The following AGO2 variants were observed in gnomAD, a reference collection of about 807,000 sequenced individuals.
The protein encoded by AGO2 is argonaute RISC catalytic component 2, also known as protein argonaute-2.
AGO2 carries 5 observed loss-of-function variants against 102.3 expected under a neutral mutation model. That is an observed-to-expected ratio of 0.05 (90% CI 0.03 to 0.10). The LOEUF (loss-of-function observed/expected upper bound fraction) is 0.10, where lower values mean the gene tolerates loss of function less well. AGO2 is among the 10% of genes least tolerant of loss of function. The probability of loss-of-function intolerance (pLI) is 1.00; values close to 1 mark genes in which losing one functional copy is unlikely to be tolerated. For synonymous variants in AGO2, 449 were observed against 473.1 expected (o/e 0.95, Z 0.66); for missense variants, 541 against 1,183.7 (o/e 0.46, Z 7.97).
intron 2 of AGO2, among the ~76,000 whole-genome samples, chr8:140,581,019 C>T (rs1201195231): frequency 6.6e-6 from 1 of 152,242 alleles, no homozygotes; most frequent in African/African-American, 2.4e-5. Flanking sequence ...ATAACGAAGC[C>T]TTGGCCATGC....
In AGO2 at chr8:140,540,041, G is replaced by C. The variant is rs188651041; in HGVS notation, c.2035-587C>G. Among the ~76,000 whole-genome samples, 940 of 152,282 alleles carry C rather than the reference G, an allele frequency of 6.2e-3. 8 individuals are homozygous for C. Among genetic ancestry groups the C allele is most frequent in the African/African-American group, 0.022 (902 of 41,540 alleles). ...GGAGGTGGAGGTTGCAGTGAGCCGA[G>C]ATCCTGCCACTGCACTCCAGACTGG... is the stretch of plus-strand genomic sequence containing the variant. On this transcript the variant is annotated intron_variant, in intron 15 of 18. Transcript: ENST00000220592. The surrounding 1 kb of genome is among the most constrained non-coding windows in gnomAD (Gnocchi z 5.0).
intron 1 of AGO2, among the ~76,000 whole-genome samples, chr8:140,617,806 C>T (rs1195604837): frequency 6.6e-6 from 1 of 151,612 alleles, no homozygotes; most frequent in African/African-American, 2.4e-5. Flanking sequence ...TGCTTGAGCC[C>T]AGGCGTTTGA....
At chr8:140,584,756 T>C (rs936443871) in intron 2 of AGO2, among the ~76,000 whole-genome samples, 1 of 152,100 alleles carries the variant, frequency 6.6e-6, no homozygotes, top group African/African-American at 2.4e-5. Flanking sequence ...CTAATCTATG[T>C]GACACACATC....
chr8:140,570,229 T>C (rs1032298300), intron 3 of AGO2, among the ~76,000 whole-genome samples: 1 of 152,188 alleles, frequency 6.6e-6, no homozygotes, highest in Non-Finnish European at 1.5e-5. Context: ...CTTTTCTTTT[T>C]TCCTTTGTTT....
chr8:140,568,190 G>A (rs919754662), intron 3 of AGO2, among the ~76,000 whole-genome samples: 5 of 151,460 alleles, frequency 3.3e-5, no homozygotes, highest in South Asian at 4.2e-4. Flanking sequence ...AGGCTGAGGT[G>A]GGAGGCTCAC....
intron 10 of AGO2, among the ~76,000 whole-genome samples, chr8:140,553,164 C>T (rs2073031437): frequency 6.6e-6 from 1 of 151,880 alleles, no homozygotes; most frequent in Non-Finnish European, 1.5e-5. Context: ...GGTGGGAGGA[C>T]TGCTTGAGCC....
At chr8:140,561,545 C>T (rs1358345781) in intron 4 of AGO2, among the ~76,000 whole-genome samples, 11 of 152,220 alleles carry the variant, frequency 7.2e-5, no homozygotes, top group Admixed American at 4.6e-4. Flanking sequence ...CTTCCTCCAC[C>T]GATAGTTCAA....
At chr8:140,542,161 A>T (rs540571395) in intron 14 of AGO2, among the ~76,000 whole-genome samples, 1 of 152,168 alleles carries the variant, frequency 6.6e-6, no homozygotes, top group Non-Finnish European at 1.5e-5. Context: ...GGGCCAAGGG[A>T]GCGTGAGGGA....
chr8:140,602,894 G>A (rs941501666), intron 1 of AGO2, among the ~76,000 whole-genome samples: 3 of 152,296 alleles, frequency 2.0e-5, no homozygotes, highest in East Asian at 3.9e-4. Flanking sequence ...GAAGAGAGAC[G>A]AGCTCACAGT....
At chr8:140,612,556 T>C (rs1157090498) in intron 1 of AGO2, among the ~76,000 whole-genome samples, 4 of 151,078 alleles carry the variant, frequency 2.6e-5, no homozygotes, top group Non-Finnish European at 4.4e-5. Context: ...ACACGAGGAG[T>C]TTGAGACCAG....
intron 1 of AGO2, among the ~76,000 whole-genome samples, chr8:140,596,722 A>T (rs1166369093): frequency 6.6e-6 from 1 of 152,278 alleles, no homozygotes; most frequent in African/African-American, 2.4e-5. Context: ...GTAGTCTCAC[A>T]GATGAACAAA....
chr8:140,616,110 A>G (rs1488567442), intron 1 of AGO2, among the ~76,000 whole-genome samples: 1 of 152,192 alleles, frequency 6.6e-6, no homozygotes, highest in Non-Finnish European at 1.5e-5. Context: ...AACCCTTGTA[A>G]CCAAGCCCGT....
upstream of AGO2, among the ~76,000 whole-genome samples, chr8:140,640,586 C>G (rs1401337549): frequency 6.6e-6 from 1 of 151,934 alleles, no homozygotes; most frequent in African/African-American, 2.4e-5. Context: ...GTGGTGCAAT[C>G]CCAGCTCACT....
intron 3 of AGO2, among the ~76,000 whole-genome samples, chr8:140,563,818 T>C (rs528542120): frequency 6.6e-6 from 1 of 152,250 alleles, no homozygotes; most frequent in East Asian, 1.9e-4. Context: ...ACCAGGCACA[T>C]TTGCTCGCTC....
At chr8:140,635,008 C>A (rs2074387875) in intron 1 of AGO2, among the ~76,000 whole-genome samples, 1 of 151,328 alleles carries the variant, frequency 6.6e-6, no homozygotes, top group Non-Finnish European at 1.5e-5. Context: ...GGCGCCCCGA[C>A]CCGGCCTCCA....
At chr8:140,629,690 G>A (rs542014473) in intron 1 of AGO2, among the ~76,000 whole-genome samples, 26 of 151,890 alleles carry the variant, frequency 1.7e-4, no homozygotes, top group South Asian at 4.2e-4. Flanking sequence ...AACTTAGCTA[G>A]GCACGGTGGT....
intron 13 of AGO2, among the ~76,000 whole-genome samples, chr8:140,544,632 C>A (rs1367529277): frequency 1.3e-5 from 2 of 152,196 alleles, no homozygotes; most frequent in South Asian, 2.1e-4. Context: ...TGCAGCCACA[C>A]CCACGCCAGG....
At position 140,525,047 on chromosome 8, in the gene AGO2, G is replaced by C. The variant is rs2072478318; in HGVS notation, c.*6997C>G. On this transcript the variant is annotated 3_prime_UTR_variant, in exon 19 of 19. Coordinates refer to ENST00000220592, the MANE Select transcript of AGO2 (RefSeq NM_012154.5). ...CTCAGCCTCTTCCTACCCCCCAAAA[G>C]GGGGCTGGGGGCTGAGGTGAGGACT... The C allele has an allele frequency of 6.6e-6, 1 of 152,138 alleles. No individual in the cohort carries two copies. Among genetic ancestry groups the C allele is most frequent in the Non-Finnish European group, 1.5e-5 (1 of 67,994 alleles). 9.4% of individuals were successfully genotyped at this position (152,138 alleles called of 1,614,324 possible). A position where few individuals can be genotyped will look rare whatever the true frequency, so the allele number is the denominator to read the frequency against.
At chr8:140,561,134 AC>A (rs1368454021) in intron 4 of AGO2, among the ~76,000 whole-genome samples, 2 of 152,186 alleles carry the variant, frequency 1.3e-5, no homozygotes, top group Non-Finnish European at 1.5e-5. Flanking sequence ...TGCTGCGCTG[AC>A]CCGGCTGGAG....
Sources: gnomAD v4.1 joint callset for allele counts (sites outside exome capture counted in the v4.1 genomes callset) on GRCh38, gnomAD v4.1.1 for gene constraint, Gnocchi (gnomAD v3.1) non-coding constraint, MANE v1.5 for transcripts, NCBI Gene and HGNC (gene_info 2026-07-23, HGNC 2026-07-21) for gene names.